The following NKAIN2 variants were observed in gnomAD, a reference collection of about 807,000 sequenced individuals.
NKAIN2 encodes the protein sodium/potassium-transporting ATPase subunit beta-1-interacting protein 2.
In NKAIN2, 14 loss-of-function variants were observed where a neutral mutation model predicts 32.6. The ratio of observed to expected loss-of-function variants is 0.43; its 90% CI spans 0.28 to 0.67. The LOEUF (loss-of-function observed/expected upper bound fraction) is 0.67, where lower values mean the gene tolerates loss of function less well. Among genes scored for constraint, NKAIN2 ranks in the 30% least tolerant of loss-of-function variants. The pLI is 0.17. For missense variants in NKAIN2, 198 were observed against 258.3 expected, an observed-to-expected ratio of 0.77 and a Z score of 1.60; for synonymous variants, 80 against 87.2, an observed-to-expected ratio of 0.92 and a Z score of 0.46.
chr6:124,242,789 C>T lies in NKAIN2; in HGVS notation c.55-40216C>T, dbSNP rs182998430. On this transcript the variant is annotated intron_variant, in intron 1 of 6. Transcript: ENST00000368417. ...CCATTCCGGCAAACTAACACAGGAACAGAAAACTAAACACTGCATGTTCTC... is the reference window on the plus strand; with the variant it reads ...CCATTCCGGCAAACTAACACAGGAATAGAAAACTAAACACTGCATGTTCTC... Among the ~76,000 whole-genome samples, 44 of 148,902 alleles carry T rather than the reference C, an allele frequency of 3.0e-4. No individual in the cohort carries two copies. In the East Asian group the frequency reaches 8.6e-3, roughly 29 times the overall value.
intron 3 of NKAIN2, among the ~76,000 whole-genome samples, chr6:124,542,788 G>A (rs1329662372): frequency 6.6e-6 from 1 of 152,002 alleles, no homozygotes; most frequent in African/African-American, 2.4e-5. Context: ...TCAATATAAT[G>A]CAATAGTTAC....
intron 1 of NKAIN2, among the ~76,000 whole-genome samples, chr6:124,244,766 T>C (rs1375747736): frequency 2.6e-5 from 4 of 152,036 alleles, no homozygotes; most frequent in Non-Finnish European, 5.9e-5. Flanking sequence ...TACAGGATAC[T>C]TAACTCTAAA....
chr6:123,846,172 G>A (rs1050706828), intron 1 of NKAIN2, among the ~76,000 whole-genome samples: 5 of 152,114 alleles, frequency 3.3e-5, no homozygotes, highest in Non-Finnish European at 7.4e-5. Context: ...ATGCTGAGTC[G>A]TTATTAGGCT....
rs139744350 is a variant in NKAIN2 at position 124,541,684 on chromosome 6, T to C, written c.274-116502T>C. ...GTCATGTTTTTAAAACACCCACCAA[T>C]ATTTTCTGTCAATCCCATCTGTGAC... On this transcript the variant is annotated intron_variant, in intron 3 of 6. Transcript: ENST00000368417. Among the ~76,000 whole-genome samples, 267 of 152,256 alleles carry C rather than the reference T, an allele frequency of 1.8e-3. No homozygotes were observed. The Middle Eastern group carries it at 0.034, about 19-fold the overall frequency.
At chr6:124,391,010 G>C (rs528774281) in intron 3 of NKAIN2, 13 of 152,198 alleles carry the variant, frequency 8.5e-5, no homozygotes, top group African/African-American at 3.1e-4. Flanking sequence ...TTATGGGAAA[G>C]TTCTTTGTAA....
intron 3 of NKAIN2, among the ~76,000 whole-genome samples, chr6:124,618,716 C>T (rs771845406): frequency 2.0e-4 from 31 of 151,932 alleles, no homozygotes; most frequent in Non-Finnish European, 3.8e-4. Context: ...AGAAACTTAC[C>T]GGCAATGAGA....
chr6:123,814,613 T>A (rs1410141828), intron 1 of NKAIN2, among the ~76,000 whole-genome samples: 3 of 152,336 alleles, frequency 2.0e-5, no homozygotes, highest in Non-Finnish European at 4.4e-5. Context: ...TGCCTAGCTT[T>A]ACTCACACTC....
At chr6:124,687,580 T>TCCATATATA (rs1562324934) in intron 4 of NKAIN2, among the ~76,000 whole-genome samples, 5 of 8,992 alleles carry the variant, frequency 5.6e-4, no homozygotes, top group African/African-American at 8.6e-4. Flanking sequence ...TAATATATAT[T>TCCATATATA]TATAATATAA....
At chr6:124,799,928 GGA>G (rs1780177120) in intron 5 of NKAIN2, among the ~76,000 whole-genome samples, 1 of 152,252 alleles carries the variant, frequency 6.6e-6, no homozygotes, top group East Asian at 1.9e-4. Context: ...ACCTTCTCAT[GGA>G]TAATGGCATG....
intron 1 of NKAIN2, among the ~76,000 whole-genome samples, chr6:124,221,412 G>T (rs1399175892): frequency 8.2e-6 from 1 of 122,586 alleles, no homozygotes; most frequent in African/African-American, 3.0e-5. Flanking sequence ...GTTGTGGGGT[G>T]AGGGGAGGGG....
intron 1 of NKAIN2, among the ~76,000 whole-genome samples, chr6:124,007,339 G>A (rs1029150210): frequency 6.6e-6 from 1 of 152,160 alleles, no homozygotes; most frequent in Non-Finnish European, 1.5e-5. Flanking sequence ...CTAGCCTCCA[G>A]TGGTCAGAGA....
intron 3 of NKAIN2, among the ~76,000 whole-genome samples, chr6:124,654,189 A>G (rs1047108714): frequency 6.6e-6 from 1 of 152,194 alleles, no homozygotes; most frequent in African/African-American, 2.4e-5. Context: ...GTTATAAAAA[A>G]TGAAAGTGGT....
chr6:124,534,475 A>T (rs1224551050), intron 3 of NKAIN2, among the ~76,000 whole-genome samples: 1 of 152,204 alleles, frequency 6.6e-6, no homozygotes, highest in African/African-American at 2.4e-5. Flanking sequence ...TCTATAACAA[A>T]TTTTTTAAGT....
Position 123,854,302 on chromosome 6 carries a change from C to A in NKAIN2, c.54+50048C>A, listed in dbSNP as rs1775474187. On this transcript the variant is annotated intron_variant, in intron 1 of 6. Transcript: ENST00000368417. ...AACACAGGACATAAGGCAGAGCAATCAAAAGACATTTTAATTTTTAAAATG... is the reference window on the plus strand; with the variant it reads ...AACACAGGACATAAGGCAGAGCAATAAAAAGACATTTTAATTTTTAAAATG... Among the ~76,000 whole-genome samples, 4 of 152,266 alleles carry A rather than the reference C, an allele frequency of 2.6e-5. No homozygotes were observed. In the South Asian group the frequency reaches 8.3e-4, roughly 32 times the overall value.
At chr6:123,815,337 A>C (rs1215330777) in intron 1 of NKAIN2, among the ~76,000 whole-genome samples, 2 of 152,182 alleles carry the variant, frequency 1.3e-5, no homozygotes, top group Admixed American at 1.3e-4. Context: ...ATAAATGTGG[A>C]TGTCTGGGTC....
chr6:124,544,354 CTT>C (rs1780016356), intron 3 of NKAIN2, among the ~76,000 whole-genome samples: 1 of 130,510 alleles, frequency 7.7e-6, no homozygotes, highest in Non-Finnish European at 1.7e-5. Context: ...CCTCAGAACT[CTT>C]TGCAAGATGG....
chr6:124,652,305 C>A (rs1784395400), intron 3 of NKAIN2, among the ~76,000 whole-genome samples: 1 of 152,206 alleles, frequency 6.6e-6, no homozygotes, highest in East Asian at 1.9e-4. Flanking sequence ...TACCAGCATT[C>A]CTATCATAAC....
chr6:124,110,133 CA>C (rs1408698892), intron 1 of NKAIN2, among the ~76,000 whole-genome samples: 1 of 148,612 alleles, frequency 6.7e-6, no homozygotes, highest in African/African-American at 2.5e-5. Flanking sequence ...AATGTTCCCT[CA>C]TTTTCTTTTT....
At chr6:124,804,254 C>T (rs926214130) in intron 5 of NKAIN2, among the ~76,000 whole-genome samples, 15 of 152,272 alleles carry the variant, frequency 9.9e-5, no homozygotes, top group African/African-American at 3.4e-4. Context: ...TCATTTGTTT[C>T]TTAAAATCTC....
Sources: allele counts gnomAD v4.1 joint callset (sites outside exome capture counted in the v4.1 genomes callset), GRCh38; gene constraint gnomAD v4.1.1; transcripts MANE v1.5; gene names NCBI Gene and HGNC (gene_info 2026-07-23, HGNC 2026-07-21).